Variants in DLG2 observed in about 807,000 individuals in gnomAD.
DLG2 encodes the protein discs large MAGUK scaffold protein 2, also known as disks large homolog 2.
Under a neutral mutation model 132.5 loss-of-function variants are expected in DLG2, and 45 were observed. The ratio of observed to expected loss-of-function variants is 0.34; its 90% confidence interval spans 0.27 to 0.44. The LOEUF (loss-of-function observed/expected upper bound fraction) is 0.44, where lower values mean the gene tolerates loss of function less well. Among genes scored for constraint, DLG2 ranks in the 20% least tolerant of loss-of-function variants. The probability of loss-of-function intolerance (pLI) is 1.00; values close to 1 mark genes in which losing one functional copy is unlikely to be tolerated. For synonymous variants in DLG2, 424 were observed against 419.6 expected (o/e 1.01, Z -0.13); for missense variants, 1,045 against 1,196.9 (o/e 0.87, Z 1.87).
chr11:84,523,317 G>C (rs992018872), intron 7 of DLG2, among the ~76,000 whole-genome samples: 1 of 152,066 alleles, frequency 6.6e-6, no homozygotes, highest in Non-Finnish European at 1.5e-5. Context: ...ATTTCCAAGA[G>C]GTTAGAAGTT....
intron 7 of DLG2, among the ~76,000 whole-genome samples, chr11:84,326,475 T>G (rs2154399154): frequency 6.6e-6 from 1 of 152,324 alleles, no homozygotes; most frequent in African/African-American, 2.4e-5. Context: ...TTTTGATTTC[T>G]TCTTTGACCT....
At chr11:83,591,393 CAT>C (rs2097184492) in intron 19 of DLG2, among the ~76,000 whole-genome samples, 1 of 105,532 alleles carries the variant, frequency 9.5e-6, no homozygotes, top group Admixed American at 1.1e-4. Context: ...ACAAAAACCA[CAT>C]GATTATCTCA....
intron 18 of DLG2, among the ~76,000 whole-genome samples, chr11:83,645,407 G>A (rs1020937454): frequency 2.6e-5 from 4 of 152,052 alleles, no homozygotes; most frequent in African/African-American, 9.7e-5. Context: ...CAGAGCCTAA[G>A]GAATATTTAT....
intron 6 of DLG2, among the ~76,000 whole-genome samples, chr11:84,820,286 T>C (rs2077526876): frequency 6.6e-6 from 1 of 151,878 alleles, no homozygotes; most frequent in Non-Finnish European, 1.5e-5. Context: ...AACCTCCTTG[T>C]GATGGCCTTA....
intron 3 of DLG2, among the ~76,000 whole-genome samples, chr11:85,332,873 G>A (rs766406584): frequency 1.3e-5 from 2 of 152,176 alleles, no homozygotes; most frequent in Non-Finnish European, 1.5e-5. Flanking sequence ...ATAGTTTGAA[G>A]TCAGAGAGTA....
At chr11:85,486,822 C>G (rs2093440016) in intron 3 of DLG2, among the ~76,000 whole-genome samples, 1 of 151,978 alleles carries the variant, frequency 6.6e-6, no homozygotes, top group Non-Finnish European at 1.5e-5. Flanking sequence ...TCCAAGCAAG[C>G]CACCTGGGGA....
chr11:84,675,281 T>G (rs989260265), intron 6 of DLG2, among the ~76,000 whole-genome samples: 1 of 152,034 alleles, frequency 6.6e-6, no homozygotes, highest in Non-Finnish European at 1.5e-5. Context: ...GATAAAAACC[T>G]AAAATAAATT....
chr11:84,336,429 T>G (rs1476565372), intron 7 of DLG2, among the ~76,000 whole-genome samples: 1 of 152,224 alleles, frequency 6.6e-6, no homozygotes, highest in Non-Finnish European at 1.5e-5. Flanking sequence ...TTGCTTGTCA[T>G]GCCATAAAAG....
At chr11:83,562,190 G>GT (rs2096623163) in intron 19 of DLG2, among the ~76,000 whole-genome samples, 1 of 151,896 alleles carries the variant, frequency 6.6e-6, no homozygotes, top group African/African-American at 2.4e-5. Flanking sequence ...CCTGGCCTTA[G>GT]TATTCCTATT....
intron 6 of DLG2, among the ~76,000 whole-genome samples, chr11:84,947,420 G>A (rs1332949257): frequency 6.6e-6 from 1 of 152,170 alleles, no homozygotes; most frequent in Admixed American, 6.5e-5. Context: ...TTTGCTCATA[G>A]TACCAACATA....
At chr11:83,724,791 G>T (rs2089649079) in intron 18 of DLG2, 2 of 699,672 alleles carry the variant, frequency 2.9e-6, no homozygotes, top group Admixed American at 2.0e-5. Context: ...TCATTTTACT[G>T]GCCACACCTC....
intron 7 of DLG2, among the ~76,000 whole-genome samples, chr11:84,259,267 A>G: frequency 6.8e-6 from 1 of 146,316 alleles, no homozygotes; most frequent in Non-Finnish European, 1.5e-5. Context: ...TGTCTCGAAA[A>G]AAAAAAAAAA....
At chr11:85,001,788 G>C (rs1472522177) in intron 6 of DLG2, among the ~76,000 whole-genome samples, 1 of 152,102 alleles carries the variant, frequency 6.6e-6, no homozygotes, top group Non-Finnish European at 1.5e-5. Context: ...GTCAATATAG[G>C]TTCATTAACT....
At chr11:84,056,312 C>A (rs1300826725) in intron 11 of DLG2, among the ~76,000 whole-genome samples, 1 of 152,056 alleles carries the variant, frequency 6.6e-6, no homozygotes, top group Non-Finnish European at 1.5e-5. Context: ...CGACTGAGAC[C>A]ATGTGGTGTT....
At chr11:84,967,138 C>G (rs1246274983) in intron 6 of DLG2, among the ~76,000 whole-genome samples, 1 of 152,014 alleles carries the variant, frequency 6.6e-6, no homozygotes, top group African/African-American at 2.4e-5. Flanking sequence ...AATTCCAGCT[C>G]AATGTTTTTA....
chr11:83,808,676 T>A (rs2046521148), intron 17 of DLG2, among the ~76,000 whole-genome samples: 1 of 152,202 alleles, frequency 6.6e-6, no homozygotes, highest in Non-Finnish European at 1.5e-5. Context: ...CTTTCCAAGT[T>A]TGCATTGCAT....
chr11:85,072,456 C>T (rs1018247519), intron 6 of DLG2, among the ~76,000 whole-genome samples: 16 of 151,822 alleles, frequency 1.1e-4, no homozygotes, highest in African/African-American at 3.9e-4. Flanking sequence ...GATCCAAATG[C>T]AGGCATTCAG....
intron 3 of DLG2, among the ~76,000 whole-genome samples, chr11:85,411,494 T>G (rs2089306855): frequency 6.6e-6 from 1 of 151,888 alleles, no homozygotes; most frequent in Non-Finnish European, 1.5e-5. Flanking sequence ...AACAAATTTG[T>G]TGTTGAAATA....
chr11:84,259,478 C>T (rs1156291211), intron 7 of DLG2, among the ~76,000 whole-genome samples: 1 of 152,078 alleles, frequency 6.6e-6, no homozygotes, highest in African/African-American at 2.4e-5. Flanking sequence ...TCTACGGAGA[C>T]ATAAGACCGC....
Sources: allele counts gnomAD v4.1 joint callset (sites outside exome capture counted in the v4.1 genomes callset), GRCh38; gene constraint gnomAD v4.1.1; transcripts MANE v1.5; gene names NCBI Gene and HGNC (gene_info 2026-07-23, HGNC 2026-07-21).